PPARD: variants seen among roughly 807,000 people sequenced by gnomAD.
The protein encoded by PPARD is peroxisome proliferator activated receptor delta, also known as peroxisome proliferator-activated receptor delta.
Under a neutral mutation model 39.5 loss-of-function variants are expected in PPARD, and 6 were observed. The ratio of observed to expected loss-of-function variants is 0.15; its 90% confidence interval spans 0.08 to 0.30. The LOEUF is 0.30. Among genes scored for constraint, PPARD ranks in the 10% least tolerant of loss-of-function variants. The pLI, the probability that PPARD is intolerant of heterozygous loss-of-function variation, is 1.00. For missense variants in PPARD, 397 were observed against 596.8 expected, an observed-to-expected ratio of 0.67 and a Z score of 3.49; for synonymous variants, 210 against 231.3, an observed-to-expected ratio of 0.91 and a Z score of 0.83.
Position 35,420,234 on chromosome 6 carries a change from A to G in PPARD, c.238A>G (p.Lys80Glu). The change falls in exon 4 of 8, where the codon AAG becomes GAG. Residue 80 changes from lysine (K) to glutamate (E), a missense_variant. By Grantham distance (56) the Lys-to-Glu change is moderately conservative (BLOSUM62 1). Transcript: ENST00000360694. ...CATGGAGTGCCGGGTGTGCGGGGAC[A>G]AGGCATCGGGCTTCCACTACGGTGT... ...LNMECRVCGD[K>E]ASGFHYGVHA... 1 of 1,606,952 alleles carries G rather than the reference A, an allele frequency of 6.2e-7. No homozygotes were observed. The highest frequency in any genetic ancestry group is 8.5e-7 in the Non-Finnish European group (1 of 1,176,296).
At chr6:35,347,792 A>G (rs1299553167) in intron 2 of PPARD, among the ~76,000 whole-genome samples, 3 of 151,778 alleles carry the variant, frequency 2.0e-5, no homozygotes, top group Admixed American at 1.3e-4. Context: ...TATTTTTAGT[A>G]GAGATGGGGT....
intron 2 of PPARD, among the ~76,000 whole-genome samples, chr6:35,396,365 T>C (rs868574977): frequency 6.6e-6 from 1 of 151,056 alleles, no homozygotes; most frequent in South Asian, 2.1e-4. Context: ...CCACCACGCC[T>C]GGCCAATTTT....
At chr6:35,422,377 G>A (rs1274992002) in intron 5 of PPARD, among the ~76,000 whole-genome samples, 3 of 152,188 alleles carry the variant, frequency 2.0e-5, no homozygotes, top group African/African-American at 7.2e-5. Flanking sequence ...AAGGCAGGCA[G>A]TAACCAGTAA....
chr6:35,376,673 T>C (rs1378412514), intron 2 of PPARD, among the ~76,000 whole-genome samples: 1 of 152,092 alleles, frequency 6.6e-6, no homozygotes, highest in Non-Finnish European at 1.5e-5. Context: ...ACTACCCTAG[T>C]AGTGTAAGTT....
chr6:35,426,394 C>G lies in PPARD; in HGVS notation c.*315C>G, dbSNP rs912953319. The G allele has an allele frequency of 4.6e-6, 2 of 434,644 alleles. No individual in the cohort carries two copies. The highest frequency in any genetic ancestry group is 4.0e-5 in the African/African-American group (2 of 49,908). The allele number at this position is 434,644 out of a possible 1,614,324, so 26.9% of individuals were successfully genotyped here. ...CTCCCTTGCCCTCCCTTTCTCTCTC[C>G]ACCCCCCACGTCTGTCCTCCTTTCT... On this transcript the variant is annotated 3_prime_UTR_variant, in exon 8 of 8. Coordinates refer to ENST00000360694, the MANE Select transcript of PPARD (RefSeq NM_006238.5).
At chr6:35,377,568 T>A (rs762394285) in intron 2 of PPARD, among the ~76,000 whole-genome samples, 1 of 152,194 alleles carries the variant, frequency 6.6e-6, no homozygotes, top group Non-Finnish European at 1.5e-5. Context: ...GAACCTGTCT[T>A]TTCATAAGGT....
intron 2 of PPARD, among the ~76,000 whole-genome samples, chr6:35,410,212 A>G (rs1418821230): frequency 6.6e-6 from 1 of 152,234 alleles, no homozygotes; most frequent in Non-Finnish European, 1.5e-5. Context: ...TCCTTCCACA[A>G]GGTCTGGTGC....
At chr6:35,399,484 T>A (rs555181513) in intron 2 of PPARD, among the ~76,000 whole-genome samples, 2 of 146,452 alleles carry the variant, frequency 1.4e-5, no homozygotes, top group African/African-American at 2.6e-5. Flanking sequence ...GGCGGGAGGA[T>A]CACTTGTGAT....
At chr6:35,351,637 T>A (rs560333333) in intron 2 of PPARD, among the ~76,000 whole-genome samples, 1 of 151,894 alleles carries the variant, frequency 6.6e-6, no homozygotes, top group South Asian at 2.1e-4. Flanking sequence ...ACTTGCAGCC[T>A]CCAACTTCTG....
chr6:35,385,796 G>A (rs1763613054), intron 2 of PPARD, among the ~76,000 whole-genome samples: 1 of 152,140 alleles, frequency 6.6e-6, no homozygotes, highest in African/African-American at 2.4e-5. Context: ...GCAGGAGAGA[G>A]GCCCCGGACA....
intron 2 of PPARD, among the ~76,000 whole-genome samples, chr6:35,402,273 A>G (rs534272150): frequency 1.8e-4 from 28 of 152,176 alleles, no homozygotes; most frequent in Admixed American, 5.9e-4. Flanking sequence ...GTTTTTATGC[A>G]TGTGTATGTG....
At chr6:35,394,565 G>T (rs561964219) in intron 2 of PPARD, among the ~76,000 whole-genome samples, 1 of 152,196 alleles carries the variant, frequency 6.6e-6, no homozygotes, top group East Asian at 1.9e-4. Context: ...GAGGTCAGGA[G>T]TTCGAGACCA....
In PPARD at chr6:35,420,245, C is replaced by G. The variant is rs532755290; in HGVS notation, c.249C>G (p.Gly83=). ...GGGTGTGCGGGGACAAGGCATCGGG[C>G]TTCCACTACGGTGTTCATGCATGTG... ...ECRVCGDKAS[G]FHYGVHACEG... Residue 83 remains glycine (G), a synonymous_variant, in exon 4 of 8, where the codon GGC becomes GGG. Transcript: ENST00000360694. 2.5e-6 allele frequency: 4 copies of G among 1,602,370 alleles called. No homozygotes were observed. The South Asian group carries it at 4.5e-5, about 18-fold the overall frequency.
chr6:35,422,701 C>T (rs1581674262), intron 5 of PPARD, among the ~76,000 whole-genome samples: 1 of 152,212 alleles, frequency 6.6e-6, no homozygotes, highest in African/African-American at 2.4e-5. Context: ...TGCGGCTCTC[C>T]TGGGTAATGG....
At chr6:35,418,732 T>C (rs1442306473) in intron 3 of PPARD, among the ~76,000 whole-genome samples, 1 of 152,070 alleles carries the variant, frequency 6.6e-6, no homozygotes, top group Non-Finnish European at 1.5e-5. Context: ...ATGACTGAAG[T>C]TGGGAGCTAA....
chr6:35,361,371 G>C (rs1345155351), intron 2 of PPARD, among the ~76,000 whole-genome samples: 1 of 152,124 alleles, frequency 6.6e-6, no homozygotes, highest in Non-Finnish European at 1.5e-5. Context: ...AAGGCAGCTG[G>C]GCATGGTGGC....
At chr6:35,423,529 T>A (rs1766345037) in intron 5 of PPARD, among the ~76,000 whole-genome samples, 2 of 147,524 alleles carry the variant, frequency 1.4e-5, no homozygotes, top group East Asian at 2.0e-4. Context: ...CGAGACTCTG[T>A]CTCAAAAAAA....
At chr6:35,357,763 C>G (rs1282060386) in intron 2 of PPARD, among the ~76,000 whole-genome samples, 1 of 151,492 alleles carries the variant, frequency 6.6e-6, no homozygotes, top group Non-Finnish European at 1.5e-5. Context: ...TCTCAAACTC[C>G]TGACCTCTAG....
chr6:35,350,535 C>T (rs553358800), intron 2 of PPARD, among the ~76,000 whole-genome samples: 1 of 151,726 alleles, frequency 6.6e-6, no homozygotes, highest in East Asian at 1.9e-4. Flanking sequence ...TTCTTGGCAC[C>T]TTTGTCAAAA....
Sources: allele counts gnomAD v4.1 joint callset (sites outside exome capture counted in the v4.1 genomes callset), GRCh38; gene constraint gnomAD v4.1.1; transcripts MANE v1.5; gene names NCBI Gene and HGNC (gene_info 2026-07-23, HGNC 2026-07-21).